The following SLC14A2 variants were observed in gnomAD, a reference collection of about 807,000 sequenced individuals.
SLC14A2 encodes the protein solute carrier family 14 member 2, also known as urea transporter 2.
In SLC14A2, 91 loss-of-function variants were observed where a neutral mutation model predicts 104.6. The ratio of observed to expected loss-of-function variants is 0.87; its 90% CI spans 0.73 to 1.04. The LOEUF is 1.04. SLC14A2 is among the 50% of genes least tolerant of loss of function. The pLI is 0.00. For synonymous variants in SLC14A2, 476 were observed against 466.4 expected, an observed-to-expected ratio of 1.02 and a Z score of -0.27; for missense variants, 1,189 against 1,156.0, an observed-to-expected ratio of 1.03 and a Z score of -0.41.
intron 1 of SLC14A2, among the ~76,000 whole-genome samples, chr18:45,291,721 C>G (rs1327055407): frequency 6.6e-6 from 1 of 152,066 alleles, no homozygotes; most frequent in Non-Finnish European, 1.5e-5. Context: ...GTTCCTCCCC[C>G]TGCCACAAGA....
chr18:45,355,137 C>T (rs1197556011), intron 1 of SLC14A2, among the ~76,000 whole-genome samples: 1 of 152,084 alleles, frequency 6.6e-6, no homozygotes, highest in Non-Finnish European at 1.5e-5. Context: ...CCCAAATATC[C>T]TAGTCTGTGA....
At chr18:45,377,469 T>G (rs1361683796) in intron 1 of SLC14A2, among the ~76,000 whole-genome samples, 4 of 152,116 alleles carry the variant, frequency 2.6e-5, no homozygotes, top group Middle Eastern at 3.4e-3. Flanking sequence ...CAGCCTGGAG[T>G]CCTACCAGCA....
chr18:45,225,690 G>T (rs1321944291), intron 1 of SLC14A2, among the ~76,000 whole-genome samples: 1 of 152,090 alleles, frequency 6.6e-6, no homozygotes, highest in Non-Finnish European at 1.5e-5. Context: ...TGTAGTTCTT[G>T]AAGAGGTCCT....
chr18:45,200,984 T>G, the SLC14A2 span, among the ~76,000 whole-genome samples: 1 of 152,224 alleles, frequency 6.6e-6, no homozygotes, highest in South Asian at 2.1e-4. Flanking sequence ...ATTATGTCTC[T>G]TTAGGCTTCT....
At chr18:45,240,987 C>T (rs1433858247) in intron 1 of SLC14A2, among the ~76,000 whole-genome samples, 1 of 152,174 alleles carries the variant, frequency 6.6e-6, no homozygotes, top group Non-Finnish European at 1.5e-5. Flanking sequence ...TAACACTAAG[C>T]TTCAACCCAG....
intron 1 of SLC14A2, among the ~76,000 whole-genome samples, chr18:45,314,565 C>G (rs1252048455): frequency 6.6e-6 from 1 of 152,162 alleles, no homozygotes; most frequent in African/African-American, 2.4e-5. Flanking sequence ...GACCCTATGT[C>G]TGTTGCCTTG....
At chr18:45,262,553 C>T (rs1202349853) in intron 1 of SLC14A2, among the ~76,000 whole-genome samples, 1 of 152,114 alleles carries the variant, frequency 6.6e-6, no homozygotes, top group Non-Finnish European at 1.5e-5. Flanking sequence ...ATGCCCACAC[C>T]TACAATAGAA....
intron 2 of SLC14A2, among the ~76,000 whole-genome samples, chr18:45,571,457 C>T (rs1413223782): frequency 6.6e-6 from 1 of 152,244 alleles, no homozygotes; most frequent in Admixed American, 6.5e-5. Flanking sequence ...TGACAATGAG[C>T]CGGCTGGCCC....
chr18:45,664,396 C>T (rs924466393), intron 11 of SLC14A2, among the ~76,000 whole-genome samples: 5 of 152,200 alleles, frequency 3.3e-5, no homozygotes, highest in African/African-American at 7.2e-5. Context: ...ATCCAAGGGC[C>T]GCTAAAGCTG....
chr18:45,352,783 A>G (rs1002635304), intron 1 of SLC14A2, among the ~76,000 whole-genome samples: 10 of 152,156 alleles, frequency 6.6e-5, no homozygotes, highest in African/African-American at 2.2e-4. Context: ...AGGTTGAGGG[A>G]CAGTAACTGG....
intron 1 of SLC14A2, among the ~76,000 whole-genome samples, chr18:45,286,720 G>GTGTGTGTA (rs1261635133): frequency 6.6e-6 from 1 of 151,012 alleles, no homozygotes. Flanking sequence ...CCCCCAACTT[G>GTGTGTGTA]TGTGTGTGTG....
intron 2 of SLC14A2, among the ~76,000 whole-genome samples, chr18:45,518,421 ATTCATTCAGCCTAT>A (rs1434411075): frequency 6.6e-6 from 1 of 152,160 alleles, no homozygotes; most frequent in Non-Finnish European, 1.5e-5. Flanking sequence ...TCATTCATTC[ATTCATTCAGCCTAT>A]TTACCAACTG....
chr18:45,224,711 A>G (rs2084096799), intron 1 of SLC14A2, among the ~76,000 whole-genome samples: 1 of 152,192 alleles, frequency 6.6e-6, no homozygotes, highest in South Asian at 2.1e-4. Flanking sequence ...TATTTTGGAT[A>G]AGGAAAACAA....
At chr18:45,676,635 G>A (rs1277342479) in intron 18 of SLC14A2, among the ~76,000 whole-genome samples, 1 of 152,054 alleles carries the variant, frequency 6.6e-6, no homozygotes, top group Non-Finnish European at 1.5e-5. Flanking sequence ...GTAAAATCCA[G>A]AGACGCTGTT....
Position 45,683,015 on chromosome 18 carries a change from A to T in SLC14A2, c.*496A>T, listed in dbSNP as rs1262549021. On this transcript the variant is annotated 3_prime_UTR_variant, in exon 20 of 20. Coordinates refer to ENST00000255226, the MANE Select transcript of SLC14A2 (RefSeq NM_007163.4). ...AGGCTGAGGCAGGAGAATGGCGTGA[A>T]CCCGGGAGGTGGAGCTTGCAGTGAG... is the stretch of plus-strand genomic sequence containing the variant. 1 of 163,680 alleles carries T rather than the reference A, an allele frequency of 6.1e-6. No individual in the cohort carries two copies. The highest frequency in any genetic ancestry group is 2.4e-5 in the African/African-American group (1 of 41,514). The allele number at this position is 163,680 out of a possible 1,614,324, so 10.1% of individuals were successfully genotyped here.
At chr18:45,170,689 G>C in the SLC14A2 span, among the ~76,000 whole-genome samples, 5 of 152,262 alleles carry the variant, frequency 3.3e-5, no homozygotes, top group South Asian at 2.1e-4. Context: ...ATTGTTGCTG[G>C]TAACACTGAT....
At chr18:45,371,468 A>T (rs2085721761) in intron 1 of SLC14A2, among the ~76,000 whole-genome samples, 1 of 152,226 alleles carries the variant, frequency 6.6e-6, no homozygotes, top group Non-Finnish European at 1.5e-5. Flanking sequence ...AACTAATTTA[A>T]TCCTTATACA....
At chr18:45,625,618 A>G in intron 2 of SLC14A2, 65 bp from the exon 3 acceptor site, 1 of 1,373,776 alleles carries the variant, frequency 7.3e-7, no homozygotes, top group Middle Eastern at 1.8e-4. Flanking sequence ...ACCCTCCTCT[A>G]TCCCCAAATG....
intron 1 of SLC14A2, among the ~76,000 whole-genome samples, chr18:45,291,067 T>G (rs545506495): frequency 6.6e-6 from 1 of 152,324 alleles, no homozygotes; most frequent in South Asian, 2.1e-4. Context: ...GGTTGAGTGT[T>G]GGCAACCAGG....
Sources: allele counts gnomAD v4.1 joint callset (sites outside exome capture counted in the v4.1 genomes callset), GRCh38; gene constraint gnomAD v4.1.1; transcripts MANE v1.5; gene names NCBI Gene and HGNC (gene_info 2026-07-23, HGNC 2026-07-21).